AGBL4: variants seen among roughly 807,000 people sequenced by gnomAD.
The protein encoded by AGBL4 is AGBL carboxypeptidase 4.
A neutral mutation model predicts 66.4 loss-of-function variants in AGBL4; 58 were observed. The observed-to-expected ratio is 0.87, with a 90% CI of 0.71 to 1.09. The LOEUF is 1.09. AGBL4 is among the 50% of genes least tolerant of loss of function. The probability of loss-of-function intolerance (pLI) is 0.00; values close to 1 mark genes in which losing one functional copy is unlikely to be tolerated. For synonymous variants in AGBL4, 234 were observed against 222.9 expected (o/e 1.05, Z -0.44); for missense variants, 579 against 631.0 (o/e 0.92, Z 0.88).
intron 10 of AGBL4, among the ~76,000 whole-genome samples, chr1:48,588,953 A>T (rs150979734): frequency 7.2e-5 from 11 of 152,236 alleles, no homozygotes; most frequent in African/African-American, 2.4e-4. Flanking sequence ...CAAGCCCAGA[A>T]ATAAGGCTGT....
chr1:49,157,203 T>C (rs1338615051), intron 4 of AGBL4, among the ~76,000 whole-genome samples: 4 of 152,080 alleles, frequency 2.6e-5, no homozygotes, highest in African/African-American at 9.7e-5. Context: ...TCATCTACAT[T>C]AGGTATTTCT....
intron 4 of AGBL4, among the ~76,000 whole-genome samples, chr1:49,214,577 T>C (rs1648925091): frequency 6.6e-6 from 1 of 152,112 alleles, no homozygotes; most frequent in Non-Finnish European, 1.5e-5. Flanking sequence ...AAAATTGTAA[T>C]GATAAACAAT....
intron 1 of AGBL4, among the ~76,000 whole-genome samples, chr1:49,957,308 T>C (rs967671941): frequency 2.6e-5 from 4 of 152,110 alleles, no homozygotes; most frequent in Non-Finnish European, 5.9e-5. Flanking sequence ...ATAAGTGCGA[T>C]GTGGTGCTGA....
chr1:48,777,295 G>C (rs1433911738), intron 6 of AGBL4, among the ~76,000 whole-genome samples: 3 of 151,964 alleles, frequency 2.0e-5, no homozygotes, highest in Non-Finnish European at 4.4e-5. Context: ...AAACTGCATT[G>C]CCAAGTAGAG....
chr1:49,207,468 C>CT, intron 4 of AGBL4, among the ~76,000 whole-genome samples: 1 of 13,706 alleles, frequency 7.3e-5, no homozygotes, highest in East Asian at 0.014. Context: ...TTCTTTCTTT[C>CT]TCTTTCTTTC....
intron 2 of AGBL4, among the ~76,000 whole-genome samples, chr1:49,802,095 G>C (rs984106902): frequency 6.6e-6 from 1 of 152,188 alleles, no homozygotes; most frequent in African/African-American, 2.4e-5. Context: ...TGGACTGCCA[G>C]AACGAGCCAA....
intron 5 of AGBL4, among the ~76,000 whole-genome samples, chr1:48,946,753 G>A (rs1362692181): frequency 2.6e-5 from 4 of 152,146 alleles, no homozygotes; most frequent in South Asian, 2.1e-4. Context: ...ACAAACTGAC[G>A]GTTACATGGA....
chr1:49,638,603 C>T (rs952631375), intron 3 of AGBL4, among the ~76,000 whole-genome samples: 2 of 152,112 alleles, frequency 1.3e-5, no homozygotes, highest in African/African-American at 2.4e-5. Context: ...CCAGTTTTCC[C>T]ATGCTGTTCT....
intron 1 of AGBL4, among the ~76,000 whole-genome samples, chr1:49,978,790 G>C (rs1018331438): frequency 6.6e-6 from 1 of 152,082 alleles, no homozygotes; most frequent in African/African-American, 2.4e-5. Flanking sequence ...ATTAACAGTG[G>C]TTATACTAAA....
intron 3 of AGBL4, among the ~76,000 whole-genome samples, chr1:49,308,723 C>G (rs1644893117): frequency 6.6e-6 from 1 of 151,974 alleles, no homozygotes; most frequent in Non-Finnish European, 1.5e-5. Context: ...AATGATGGAA[C>G]AGAATGAGAA....
At chr1:49,114,475 T>C (rs1246740223) in intron 4 of AGBL4, among the ~76,000 whole-genome samples, 1 of 152,186 alleles carries the variant, frequency 6.6e-6, no homozygotes, top group Non-Finnish European at 1.5e-5. Context: ...AATAAGGCTG[T>C]TTTGCTTTCT....
chr1:48,708,358 G>A (rs1316227253), intron 6 of AGBL4, among the ~76,000 whole-genome samples: 1 of 152,172 alleles, frequency 6.6e-6, no homozygotes, highest in Non-Finnish European at 1.5e-5. Flanking sequence ...CCCTGAAGAG[G>A]GATTGACCAT....
chr1:49,896,480 A>C (rs1043799540), intron 1 of AGBL4, among the ~76,000 whole-genome samples: 1 of 151,984 alleles, frequency 6.6e-6, no homozygotes, highest in Non-Finnish European at 1.5e-5. Context: ...ATTTTACCAA[A>C]TATTTAAAGC....
At position 49,045,694 on chromosome 1, in the gene AGBL4, G is replaced by A; in HGVS notation, c.484C>T (p.Gln162Ter). 1 of 1,561,398 alleles carries A rather than the reference G, an allele frequency of 6.4e-7. No individual in the cohort carries two copies. Among genetic ancestry groups the A allele is most frequent in the Non-Finnish European group, 8.7e-7 (1 of 1,151,614 alleles). Residue 162 changes from glutamine to a stop codon, truncating the protein, a stop_gained, in exon 5 of 14, where the codon CAG becomes TAG. Coordinates refer to ENST00000371839, the MANE Select transcript of AGBL4 (RefSeq NM_032785.4). LOFTEE classifies it high-confidence loss of function. ...FCFDREEDIY[Q>*]FAYCYPYTYT... ...GTATATGGGTAGCAGTAAGCAAACTGGTAAATATCTTCTTCTCGGTCAAAA... is the reference window on the plus strand; with the variant it reads ...GTATATGGGTAGCAGTAAGCAAACTAGTAAATATCTTCTTCTCGGTCAAAA...
chr1:49,368,543 G>A (rs539444122), intron 3 of AGBL4, among the ~76,000 whole-genome samples: 20 of 151,954 alleles, frequency 1.3e-4, no homozygotes, highest in South Asian at 4.2e-4. Context: ...CAAAACCCAC[G>A]TCTCTGTGGT....
chr1:49,906,646 T>C (rs2148201553), intron 1 of AGBL4, among the ~76,000 whole-genome samples: 1 of 152,098 alleles, frequency 6.6e-6, no homozygotes, highest in Middle Eastern at 3.4e-3. Flanking sequence ...ATACTAACAA[T>C]TAACTGAAAA....
At chr1:49,488,625 A>C (rs1015086615) in intron 3 of AGBL4, among the ~76,000 whole-genome samples, 1 of 151,814 alleles carries the variant, frequency 6.6e-6, no homozygotes, top group African/African-American at 2.4e-5. Flanking sequence ...GTGCTATCAA[A>C]TACCATATCT....
intron 3 of AGBL4, among the ~76,000 whole-genome samples, chr1:49,484,763 G>A (rs931564811): frequency 1.3e-5 from 2 of 151,892 alleles, no homozygotes; most frequent in African/African-American, 4.8e-5. Flanking sequence ...GGGATAGTTA[G>A]TAACACAAAG....
chr1:49,702,054 T>C (rs947012910), intron 2 of AGBL4, among the ~76,000 whole-genome samples: 1 of 151,510 alleles, frequency 6.6e-6, no homozygotes. Flanking sequence ...ACAAACAAAG[T>C]TGACTAAAAA....
Sources: gnomAD v4.1 joint callset for allele counts (sites outside exome capture counted in the v4.1 genomes callset) on GRCh38, gnomAD v4.1.1 for gene constraint, MANE v1.5 for transcripts, NCBI Gene and HGNC (gene_info 2026-07-23, HGNC 2026-07-21) for gene names.